Variants in PFKFB4 observed in about 807,000 individuals in gnomAD.
The protein encoded by PFKFB4 is 6-phosphofructo-2-kinase/fructose-2,6-biphosphatase 4.
PFKFB4 carries 42 observed loss-of-function variants against 62.8 expected under a neutral mutation model. The observed-to-expected ratio is 0.67, with a 90% CI of 0.52 to 0.86. The LOEUF is 0.86. Among genes scored for constraint, PFKFB4 ranks in the 40% least tolerant of loss-of-function variants. PFKFB4 has a pLI of 0.00. For missense variants in PFKFB4, 475 were observed against 627.2 expected, an observed-to-expected ratio of 0.76 and a Z score of 2.59; for synonymous variants, 204 against 240.7, an observed-to-expected ratio of 0.85 and a Z score of 1.41.
chr3:48,523,973 C>T, intron 10 of PFKFB4, 143 bp from the exon 11 acceptor site: 1 of 916,000 alleles, frequency 1.1e-6, no homozygotes, highest in East Asian at 2.5e-5. Flanking sequence ...GCCTAGCCTT[C>T]TGAGGCCATG....
rs546639249 is a variant in PFKFB4 at position 48,536,231 on chromosome 3, C to T, written c.840+25G>A. The stretch of plus-strand genomic sequence containing the variant: ...CAGGGTACAAATGCAGGCCCGTGTG[C>T]GCACGCAGGGACACATGCACTGACC... On this transcript the variant is annotated intron_variant, in intron 8 of 13. Coordinates refer to ENST00000232375, the MANE Select transcript of PFKFB4 (RefSeq NM_004567.4). 28 of 1,595,640 alleles carry T rather than the reference C, an allele frequency of 1.8e-5. No homozygotes were observed. The South Asian group carries it at 2.3e-4, about 13-fold the overall frequency.
chr3:48,545,784 G>A (rs2042943072), intron 3 of PFKFB4, among the ~76,000 whole-genome samples: 1 of 152,092 alleles, frequency 6.6e-6, no homozygotes, highest in Non-Finnish European at 1.5e-5. Flanking sequence ...CCATTTCTGT[G>A]CCCCAATGGG....
At chr3:48,546,305 TTG>T (rs144720503) in intron 3 of PFKFB4, among the ~76,000 whole-genome samples, 1 of 151,598 alleles carries the variant, frequency 6.6e-6, no homozygotes, top group African/African-American at 2.4e-5. Context: ...GTGTATAAGT[TTG>T]TGTGTGTGTG....
rs1057082496 is a variant in PFKFB4, at chr3:48,519,320, G to A, written c.*427C>T. Reference sequence around the variant, plus strand: ...TCAGGAAGTGGCCACAGAGAGGATGGTAGAGGCCCTGTGGAGAGTCACCAG... The same window carrying A: ...TCAGGAAGTGGCCACAGAGAGGATGATAGAGGCCCTGTGGAGAGTCACCAG... On this transcript the variant is annotated 3_prime_UTR_variant, in exon 14 of 14. Transcript: ENST00000232375. 5 of 157,840 alleles carry A rather than the reference G, an allele frequency of 3.2e-5. No homozygotes were observed. Among genetic ancestry groups the A allele is most frequent in the Admixed American group, 6.4e-5 (1 of 15,718 alleles). 9.8% of individuals were successfully genotyped at this position (157,840 alleles called of 1,614,324 possible).
In PFKFB4 at chr3:48,532,640, T is replaced by G. The variant is rs1481277130; in HGVS notation, c.987+2872A>C. On this transcript the variant is annotated intron_variant, in intron 9 of 13. Coordinates refer to ENST00000232375, the MANE Select transcript of PFKFB4 (RefSeq NM_004567.4). ...CCAAAGTGGTAGAATCGCTTGAGGC[T>G]AGGAGTTTGAGACCAACCTGGGCAA... Among the ~76,000 whole-genome samples the G allele has an allele frequency of 3.3e-5, 5 of 152,172 alleles. No individual in the cohort carries two copies. The East Asian group carries it at 9.6e-4, about 29-fold the overall frequency.
intron 1 of PFKFB4, among the ~76,000 whole-genome samples, chr3:48,550,634 C>A (rs1326299887): frequency 6.6e-6 from 1 of 152,170 alleles, no homozygotes; most frequent in Non-Finnish European, 1.5e-5. Flanking sequence ...ATACCCTAAC[C>A]TTTTTACATC....
intron 3 of PFKFB4, among the ~76,000 whole-genome samples, chr3:48,546,961 C>G (rs1289290081): frequency 6.6e-6 from 1 of 152,192 alleles, no homozygotes; most frequent in African/African-American, 2.4e-5. Flanking sequence ...GATGCTCGCT[C>G]CTGGTTTCCT....
At chr3:48,539,954 T>C (rs1273304267) in intron 4 of PFKFB4, among the ~76,000 whole-genome samples, 183 bp from the exon 5 acceptor site, 3 of 152,166 alleles carry the variant, frequency 2.0e-5, no homozygotes, top group African/African-American at 7.2e-5. Flanking sequence ...ACGGCTGGGC[T>C]GGCCCTCCCC....
intron 9 of PFKFB4, 106 bp downstream of exon 9, chr3:48,535,406 T>C (rs1484516898): frequency 4.0e-6 from 4 of 1,010,702 alleles, no homozygotes; most frequent in Non-Finnish European, 5.9e-6. Context: ...ATCCTTTCTC[T>C]CTCCTCTCCT....
intron 9 of PFKFB4, among the ~76,000 whole-genome samples, chr3:48,534,813 AT>A (rs371931700): frequency 2.7e-3 from 399 of 145,946 alleles, no homozygotes; most frequent in African/African-American, 4.7e-3. Flanking sequence ...GCAGAAGAGC[AT>A]TTTTTTTTTT....
At chr3:48,541,900 G>A (rs1290103391) in intron 4 of PFKFB4, among the ~76,000 whole-genome samples, 1 of 152,062 alleles carries the variant, frequency 6.6e-6, no homozygotes, top group African/African-American at 2.4e-5. Context: ...TAGGAGACAG[G>A]CTGCAGTGAG....
intron 1 of PFKFB4, among the ~76,000 whole-genome samples, chr3:48,551,691 C>A (rs530108270): frequency 2.0e-5 from 3 of 151,802 alleles, no homozygotes; most frequent in South Asian, 4.2e-4. Flanking sequence ...ATTACAAGCA[C>A]ATGCCACCAC....
rs1193470222 is a variant in PFKFB4, at chr3:48,525,555, T to A, written c.1092+10A>T. 2.0e-6 allele frequency: 3 copies of A among 1,505,864 alleles called. No individual in the cohort carries two copies. Among genetic ancestry groups the A allele is most frequent in the Non-Finnish European group, 9.1e-7 (1 of 1,099,352 alleles). 93.3% of individuals were successfully genotyped at this position (1,505,864 alleles called of 1,614,324 possible). On this transcript the variant is annotated intron_variant, in intron 10 of 13. Coordinates refer to ENST00000232375, the MANE Select transcript of PFKFB4 (RefSeq NM_004567.4). The stretch of plus-strand genomic sequence containing the variant: ...TAGGTGGCTGGGACTAAGCCCCAAA[T>A]CCCACCTACCTCCCCTTTAGGGTAC...
intron 9 of PFKFB4, among the ~76,000 whole-genome samples, chr3:48,528,317 C>T (rs899644537): frequency 2.0e-5 from 3 of 152,122 alleles, no homozygotes; most frequent in African/African-American, 7.2e-5. Context: ...CCATATGACC[C>T]AGCAATTCTA....
At chr3:48,538,477 C>T in intron 7 of PFKFB4, 21 bp downstream of exon 7, 1 of 1,612,630 alleles carries the variant, frequency 6.2e-7, no homozygotes, top group Non-Finnish European at 8.5e-7. Context: ...AGCTGCAGGG[C>T]CTGGCGCTGC....
Position 48,523,848 on chromosome 3 carries a change from G to C in PFKFB4, c.1093-18C>G. The C allele has an allele frequency of 6.2e-7, 1 of 1,611,296 alleles. No homozygotes were observed. The highest frequency in any genetic ancestry group is 1.7e-5 in the Admixed American group (1 of 59,848). On this transcript the variant is annotated intron_variant, in intron 10 of 13. Transcript: ENST00000232375. Reference sequence around the variant, plus strand: ...TCGTAGGACTGCAAGGGCAAGCAGAGAGGGGTCCCTCAGGCCTGGCTCCGG... The same window carrying C: ...TCGTAGGACTGCAAGGGCAAGCAGACAGGGGTCCCTCAGGCCTGGCTCCGG...
At chr3:48,540,001 G>A (rs1453576032) in intron 4 of PFKFB4, among the ~76,000 whole-genome samples, 3 of 152,224 alleles carry the variant, frequency 2.0e-5, no homozygotes, top group Non-Finnish European at 4.4e-5. Context: ...GTTAGAAGGA[G>A]AGGATGCCTG....
At position 48,538,402 on chromosome 3, in the gene PFKFB4, C is replaced by T. The variant is rs112587982; in HGVS notation, c.632+96G>A. On this transcript the variant is annotated intron_variant, in intron 7 of 13. Coordinates refer to ENST00000232375, the MANE Select transcript of PFKFB4 (RefSeq NM_004567.4). Reference sequence around the variant, plus strand: ...GTCAGACCATCTCTGCTTTTTGGTCCTCCAGCCACCACCATGGGGAGCCAT... The same window carrying T: ...GTCAGACCATCTCTGCTTTTTGGTCTTCCAGCCACCACCATGGGGAGCCAT... 2.2e-5 allele frequency: 33 copies of T among 1,482,330 alleles called. No individual in the cohort carries two copies. In the African/African-American group the frequency reaches 2.4e-4, roughly 11 times the overall value. 91.8% of individuals were successfully genotyped at this position (1,482,330 alleles called of 1,614,324 possible).
At chr3:48,557,107 G>A (rs564971342), upstream of PFKFB4, 2 of 531,088 alleles carry the variant, frequency 3.8e-6, no homozygotes, top group East Asian at 7.0e-5. Flanking sequence ...GGCCCGCCCC[G>A]GATGCGCAAA....
Sources: gnomAD v4.1 joint callset for allele counts (sites outside exome capture counted in the v4.1 genomes callset) on GRCh38, gnomAD v4.1.1 for gene constraint, MANE v1.5 for transcripts, NCBI Gene and HGNC (gene_info 2026-07-23, HGNC 2026-07-21) for gene names.